TRABD2B: variants seen among roughly 807,000 people sequenced by gnomAD.
TRABD2B encodes the protein metalloprotease TIKI2.
In TRABD2B, 14 loss-of-function variants were observed where a neutral mutation model predicts 40.1. The observed-to-expected ratio is 0.35, with a 90% CI of 0.23 to 0.55. TRABD2B has a LOEUF of 0.55. Among genes scored for constraint, TRABD2B ranks in the 20% least tolerant of loss-of-function variants. The pLI is 0.90. For synonymous variants in TRABD2B, 263 were observed against 277.0 expected, an observed-to-expected ratio of 0.95 and a Z score of 0.50; for missense variants, 541 against 648.6, an observed-to-expected ratio of 0.83 and a Z score of 1.80.
chr1:47,925,203 C>T (rs535816980), intron 2 of TRABD2B, among the ~76,000 whole-genome samples: 1 of 152,296 alleles, frequency 6.6e-6, no homozygotes, highest in African/African-American at 2.4e-5. Flanking sequence ...ACATCCCTAT[C>T]CCATCCTCTG....
chr1:47,949,806 C>G (rs540457664), intron 2 of TRABD2B, among the ~76,000 whole-genome samples: 1 of 152,288 alleles, frequency 6.6e-6, no homozygotes, highest in East Asian at 1.9e-4. Context: ...GAAAAAGTCC[C>G]TGAAAATCAA....
chr1:47,803,422 C>A (rs1224730256), intron 2 of TRABD2B, among the ~76,000 whole-genome samples: 2 of 152,226 alleles, frequency 1.3e-5, no homozygotes, highest in Non-Finnish European at 2.9e-5. Context: ...TGAGAACAAT[C>A]CAGGCTAGAC....
At chr1:47,799,626 G>A (rs1421618620) in intron 3 of TRABD2B, among the ~76,000 whole-genome samples, 2 of 152,196 alleles carry the variant, frequency 1.3e-5, no homozygotes, top group African/African-American at 2.4e-5. Context: ...AGGAGCTCCT[G>A]GTCGTGTGGG....
At chr1:47,990,770 TTTATATATATATATATATATATATA>T in intron 2 of TRABD2B, among the ~76,000 whole-genome samples, 1 of 35,050 alleles carries the variant, frequency 2.9e-5, no homozygotes, top group East Asian at 9.0e-4. Context: ...AAACGTTGGT[TTTATATATATATATATATATATATA>T]TATATATATA....
chr1:47,965,201 CGGGGGGGGGTGGAGGGGGG>C (rs1645581202), intron 2 of TRABD2B, among the ~76,000 whole-genome samples: 1 of 9,498 alleles, frequency 1.1e-4, no homozygotes, highest in South Asian at 2.5e-3. Context: ...TGGCGGGGGG[CGGGGGGGGGTGGAGGGGGG>C]GGTGGGGGGG....
intron 2 of TRABD2B, among the ~76,000 whole-genome samples, chr1:47,880,153 A>G (rs1054044559): frequency 6.6e-6 from 1 of 152,192 alleles, no homozygotes; most frequent in African/African-American, 2.4e-5. Context: ...TACTAAAAAT[A>G]AAAAAATTAT....
At chr1:47,854,922 T>C (rs1643875786) in intron 2 of TRABD2B, among the ~76,000 whole-genome samples, 1 of 152,200 alleles carries the variant, frequency 6.6e-6, no homozygotes, top group South Asian at 2.1e-4. Flanking sequence ...TTCAAGTGAA[T>C]AGCTGTGTGA....
intron 2 of TRABD2B, among the ~76,000 whole-genome samples, chr1:47,830,961 A>G (rs771144088): frequency 1.3e-5 from 2 of 152,128 alleles, no homozygotes; most frequent in Non-Finnish European, 2.9e-5. Flanking sequence ...GAAAGAGGAG[A>G]TTTATTTGCA....
At chr1:47,977,680 GAA>G (rs113365038) in intron 2 of TRABD2B, among the ~76,000 whole-genome samples, 4 of 131,508 alleles carry the variant, frequency 3.0e-5, no homozygotes, top group African/African-American at 5.5e-5. Context: ...TGGCCGGGAT[GAA>G]AAAAAAAAAA....
intron 2 of TRABD2B, among the ~76,000 whole-genome samples, chr1:47,868,514 G>A (rs956379189): frequency 2.0e-5 from 3 of 152,148 alleles, no homozygotes; most frequent in East Asian, 1.9e-4. Flanking sequence ...GAGCATTACC[G>A]CCTGAGCTTC....
chr1:47,942,546 C>G (rs1645202049), intron 2 of TRABD2B, among the ~76,000 whole-genome samples: 1 of 152,176 alleles, frequency 6.6e-6, no homozygotes, highest in Non-Finnish European at 1.5e-5. Flanking sequence ...ATGACACTCT[C>G]AGGACATCCC....
intron 2 of TRABD2B, among the ~76,000 whole-genome samples, chr1:47,934,495 G>A (rs561692887): frequency 2.0e-5 from 3 of 152,382 alleles, no homozygotes; most frequent in Admixed American, 2.0e-4. Flanking sequence ...CCAGCGGGAG[G>A]GGCAGGCGGG....
chr1:47,841,977 G>A (rs990054594), intron 2 of TRABD2B, among the ~76,000 whole-genome samples: 2 of 151,696 alleles, frequency 1.3e-5, no homozygotes. Flanking sequence ...TTTCACGACC[G>A]TGGCCAGGCT....
chr1:47,850,624 C>G (rs988436003), intron 2 of TRABD2B, among the ~76,000 whole-genome samples: 2 of 152,186 alleles, frequency 1.3e-5, no homozygotes, highest in African/African-American at 2.4e-5. Flanking sequence ...CATCTTGGTG[C>G]CCCAGTGCCT....
At chr1:47,925,122 T>G (rs568491073) in intron 2 of TRABD2B, among the ~76,000 whole-genome samples, 1 of 152,200 alleles carries the variant, frequency 6.6e-6, no homozygotes, top group South Asian at 2.1e-4. Flanking sequence ...CCTCCTAAGG[T>G]AGGATAGAAA....
At chr1:47,968,569 C>A (rs753641513) in intron 2 of TRABD2B, among the ~76,000 whole-genome samples, 6 of 152,200 alleles carry the variant, frequency 3.9e-5, no homozygotes, top group Non-Finnish European at 7.3e-5. Flanking sequence ...CACACACACA[C>A]GCTCCAAGAC....
In TRABD2B at chr1:47,816,200, G is replaced by A. The variant is rs77257685; in HGVS notation, c.667-14581C>T. 4.6e-4 allele frequency among the ~76,000 whole-genome samples: 70 copies of A among 152,268 alleles called. No homozygotes were observed. In the East Asian group the frequency reaches 0.011, roughly 25 times the overall value. On this transcript the variant is annotated intron_variant, in intron 2 of 6. Coordinates refer to ENST00000606738, the MANE Select transcript of TRABD2B (RefSeq NM_001194986.2). ...GCACACAGTGATCTCAGGCCCTGGG[G>A]CCCGGGGTCTGGGCTGCATCTTGAA...
At chr1:47,856,300 C>T (rs765166351) in intron 2 of TRABD2B, among the ~76,000 whole-genome samples, 3 of 152,224 alleles carry the variant, frequency 2.0e-5, no homozygotes, top group Non-Finnish European at 4.4e-5. Context: ...ATGGATCCTG[C>T]TCTACCCTCT....
chr1:47,797,949 C>T (rs892381946), intron 3 of TRABD2B, among the ~76,000 whole-genome samples: 7 of 152,070 alleles, frequency 4.6e-5, no homozygotes, highest in Admixed American at 3.3e-4. Context: ...CATGTCAGGT[C>T]TAATAGTCAA....
Sources: allele counts gnomAD v4.1 joint callset (sites outside exome capture counted in the v4.1 genomes callset), GRCh38; gene constraint gnomAD v4.1.1; transcripts MANE v1.5; gene names NCBI Gene and HGNC (gene_info 2026-07-23, HGNC 2026-07-21).